WIF1: variants seen among roughly 807,000 people sequenced by gnomAD.
WIF1 encodes Wnt inhibitory factor 1.
A neutral mutation model predicts 53.5 loss-of-function variants in WIF1; 35 were observed. The ratio of observed to expected loss-of-function variants is 0.65; its 90% confidence interval spans 0.50 to 0.87. The LOEUF (loss-of-function observed/expected upper bound fraction) is 0.87, where lower values mean the gene tolerates loss of function less well. WIF1 is among the 40% of genes least tolerant of loss of function. The pLI is 0.00. For missense variants in WIF1, 467 were observed against 476.8 expected (o/e 0.98, Z 0.19); for synonymous variants, 171 against 170.4 (o/e 1.00, Z -0.03).
intron 2 of WIF1, among the ~76,000 whole-genome samples, chr12:65,080,663 T>C (rs1882935030): frequency 6.6e-6 from 1 of 152,176 alleles, no homozygotes; most frequent in Admixed American, 6.6e-5. Context: ...ATGAATAACA[T>C]TTGAATTATT....
rs144851870 is a variant in WIF1 at position 65,099,998 on chromosome 12, T to C, written c.288+20419A>G. Reference sequence around the variant, plus strand: ...ATTTTTTAAAGCATTTCTATAAAAATAAATGTCCCAAACTCTGTTATTTAA... The same window carrying C: ...ATTTTTTAAAGCATTTCTATAAAAACAAATGTCCCAAACTCTGTTATTTAA... On this transcript the variant is annotated intron_variant, in intron 2 of 9. Transcript: ENST00000286574. 2.2e-3 allele frequency among the ~76,000 whole-genome samples: 341 copies of C among 152,228 alleles called. 1 individual carries two copies. The highest frequency in any genetic ancestry group is 8.0e-3 in the African/African-American group (331 of 41,572).
chr12:65,061,550 T>C (rs762073505), intron 7 of WIF1, among the ~76,000 whole-genome samples: 47 of 152,174 alleles, frequency 3.1e-4, no homozygotes, highest in Non-Finnish European at 5.1e-4. Context: ...CATTTCTGAG[T>C]TAAAGAGAGA....
chr12:65,052,175 G>C (rs1161687308), intron 9 of WIF1, among the ~76,000 whole-genome samples: 1 of 152,116 alleles, frequency 6.6e-6, no homozygotes, highest in African/African-American at 2.4e-5. Context: ...CTGATCCAAG[G>C]CAGCAAATTA....
In WIF1 at chr12:65,082,769, T is replaced by A. The variant is rs191230066; in HGVS notation, c.289-4915A>T. ...GCAGAGAATTGCATTAACCCCTTAT[T>A]GAGAGGAATGAAGAGAATCCAGTAT... On this transcript the variant is annotated intron_variant, in intron 2 of 9. Coordinates refer to ENST00000286574, the MANE Select transcript of WIF1 (RefSeq NM_007191.5). 9.2e-5 allele frequency among the ~76,000 whole-genome samples: 14 copies of A among 152,310 alleles called. No individual in the cohort carries two copies. In the East Asian group the frequency reaches 2.5e-3, roughly 27 times the overall value.
intron 2 of WIF1, among the ~76,000 whole-genome samples, chr12:65,105,046 G>A (rs1335045118): frequency 6.6e-6 from 1 of 152,108 alleles, no homozygotes; most frequent in African/African-American, 2.4e-5. Context: ...TAAGAAAGGG[G>A]TTAAAACATA....
intron 2 of WIF1, among the ~76,000 whole-genome samples, chr12:65,096,830 A>G (rs1286285159): frequency 1.3e-5 from 2 of 152,114 alleles, no homozygotes; most frequent in Non-Finnish European, 2.9e-5. Flanking sequence ...ACACATGGAC[A>G]TAGGGAGGGG....
chr12:65,108,520 T>C (rs997415841), intron 2 of WIF1, among the ~76,000 whole-genome samples: 4 of 152,224 alleles, frequency 2.6e-5, no homozygotes, highest in Admixed American at 6.5e-5. Context: ...GCTCTAGTTA[T>C]TGATTTCTTA....
chr12:65,096,965 C>T (rs1320581716), intron 2 of WIF1, among the ~76,000 whole-genome samples: 1 of 149,662 alleles, frequency 6.7e-6, no homozygotes, highest in Non-Finnish European at 1.5e-5. Flanking sequence ...ACCACCATGG[C>T]ACATGTATAC....
At chr12:65,083,761 CT>C (rs1882985004) in intron 2 of WIF1, 3 of 319,702 alleles carry the variant, frequency 9.4e-6, no homozygotes, top group South Asian at 8.5e-5. Flanking sequence ...CTTTCCTTTC[CT>C]CTTTTCCTTT....
chr12:65,108,069 C>T (rs1407610537), intron 2 of WIF1, among the ~76,000 whole-genome samples: 7 of 152,212 alleles, frequency 4.6e-5, no homozygotes, highest in Admixed American at 4.6e-4. Flanking sequence ...CACTCCTCCC[C>T]CAGCCGAGTT....
intron 2 of WIF1, among the ~76,000 whole-genome samples, chr12:65,104,169 C>T (rs1883320874): frequency 6.6e-6 from 1 of 152,184 alleles, no homozygotes; most frequent in South Asian, 2.1e-4. Context: ...ACAGTAAATG[C>T]CCCATATATG....
intron 2 of WIF1, among the ~76,000 whole-genome samples, chr12:65,097,890 C>CA (rs1245173648): frequency 5.9e-5 from 9 of 152,200 alleles, no homozygotes; most frequent in African/African-American, 2.2e-4. Flanking sequence ...AATTAAAATT[C>CA]AAAATGTTCT....
At chr12:65,120,676 G>A in intron 1 of WIF1, 120 bp from the exon 2 acceptor site, 1 of 1,171,652 alleles carries the variant, frequency 8.5e-7, no homozygotes, top group South Asian at 1.6e-5. Flanking sequence ...ACAAGCATCT[G>A]CCTTCAGTAC....
chr12:65,098,237 C>T (rs554576733), intron 2 of WIF1, among the ~76,000 whole-genome samples: 1 of 152,260 alleles, frequency 6.6e-6, no homozygotes, highest in South Asian at 2.1e-4. Context: ...AAACACTTTT[C>T]AACTCTGTTT....
At position 65,072,765 on chromosome 12, in the gene WIF1, G is replaced by C. The variant is rs188961921; in HGVS notation, c.398-3861C>G. 3.5e-3 allele frequency among the ~76,000 whole-genome samples: 529 copies of C among 152,208 alleles called. 14 individuals carry two copies. Among genetic ancestry groups the C allele is most frequent in the Admixed American group, 0.027 (416 of 15,258 alleles). ...AAAAGCAGAGACTCTTTGCTTCCAA[G>C]GAATAAGAGGAATGTGAAAGTCATG... On this transcript the variant is annotated intron_variant, in intron 3 of 9. Coordinates refer to ENST00000286574, the MANE Select transcript of WIF1 (RefSeq NM_007191.5).
intron 3 of WIF1, among the ~76,000 whole-genome samples, chr12:65,071,231 C>CAA (rs67928556): frequency 2.5e-3 from 180 of 71,102 alleles, no homozygotes; most frequent in African/African-American, 6.1e-3. Flanking sequence ...AAGACTCCAT[C>CAA]AAAAAAAAAA....
intron 2 of WIF1, among the ~76,000 whole-genome samples, chr12:65,113,519 C>T (rs182643949): frequency 3.5e-4 from 53 of 152,128 alleles, no homozygotes; most frequent in Admixed American, 6.5e-4. Context: ...GCAGAGTTTA[C>T]ATTTATGCCA....
At chr12:65,116,619 C>A (rs1883514654) in intron 2 of WIF1, among the ~76,000 whole-genome samples, 1 of 151,552 alleles carries the variant, frequency 6.6e-6, no homozygotes, top group Non-Finnish European at 1.5e-5. Flanking sequence ...ATCCTGAAAC[C>A]ATCCCCCATC....
At position 65,114,158 on chromosome 12, in the gene WIF1, A is replaced by G. The variant is rs377650773; in HGVS notation, c.288+6259T>C. Reference sequence around the variant, plus strand: ...TTGGAGAGGGAATTCTTGAATTAAAATTTACCCTATTTTTTTTATTTTTTT... The same window carrying G: ...TTGGAGAGGGAATTCTTGAATTAAAGTTTACCCTATTTTTTTTATTTTTTT... On this transcript the variant is annotated intron_variant, in intron 2 of 9. Transcript: ENST00000286574. Among the ~76,000 whole-genome samples the G allele has an allele frequency of 1.1e-4, 15 of 141,072 alleles. 1 individual carries two copies. The South Asian group carries it at 1.5e-3, about 14-fold the overall frequency. 92.5% of individuals were successfully genotyped at this position (141,072 alleles called of 152,430 possible). A position where few individuals can be genotyped will look rare whatever the true frequency, so the allele number is the denominator to read the frequency against.
Sources: allele counts gnomAD v4.1 joint callset (sites outside exome capture counted in the v4.1 genomes callset), GRCh38; gene constraint gnomAD v4.1.1; transcripts MANE v1.5; gene names NCBI Gene and HGNC (gene_info 2026-07-23, HGNC 2026-07-21).